The following MOBP variants were observed in gnomAD, a reference collection of about 807,000 sequenced individuals.
The protein encoded by MOBP is myelin-associated oligodendrocyte basic protein.
A neutral mutation model predicts 15.0 loss-of-function variants in MOBP; 5 were observed. The observed-to-expected ratio is 0.33, with a 90% CI of 0.17 to 0.70. The LOEUF (loss-of-function observed/expected upper bound fraction) is 0.70. Ranked by LOEUF, MOBP falls within the 30% of genes least tolerant of loss-of-function variation. The probability of loss-of-function intolerance (pLI) is 0.67; values close to 1 mark genes in which losing one functional copy is unlikely to be tolerated. For synonymous variants in MOBP, 88 were observed against 99.0 expected (o/e 0.89, Z 0.66); for missense variants, 188 against 257.8 (o/e 0.73, Z 1.85).
intron 2 of MOBP, among the ~76,000 whole-genome samples, chr3:39,488,656 C>G (rs2042750377): frequency 6.6e-6 from 1 of 152,188 alleles, no homozygotes; most frequent in South Asian, 2.1e-4. Context: ...GAACTGTACT[C>G]TTACCTTTTT....
At chr3:39,501,869 T>C (rs1232928814) in intron 2 of MOBP, among the ~76,000 whole-genome samples, 197 bp from the exon 3 acceptor site, 1 of 152,140 alleles carries the variant, frequency 6.6e-6, no homozygotes, top group African/African-American at 2.4e-5. Context: ...AATACACAAA[T>C]GAAAATTAAT....
At chr3:39,525,460 T>C (rs1018259587), downstream of MOBP, 5 of 152,104 alleles carry the variant, frequency 3.3e-5, no homozygotes, top group African/African-American at 7.2e-5. Context: ...GGATGTAAAA[T>C]GGACAGTACT....
chr3:39,492,807 AG>A (rs1358407086), intron 2 of MOBP, among the ~76,000 whole-genome samples: 1 of 152,206 alleles, frequency 6.6e-6, no homozygotes, highest in Non-Finnish European at 1.5e-5. Flanking sequence ...TCAAGGTCAA[AG>A]CTTGTCTCCT....
downstream of MOBP, among the ~76,000 whole-genome samples, chr3:39,518,241 G>A (rs187311460): frequency 7.7e-4 from 117 of 152,278 alleles, no homozygotes; most frequent in African/African-American, 2.7e-3. Context: ...CAAGGATTTT[G>A]TAGAGGGAAA....
intron 1 of MOBP, among the ~76,000 whole-genome samples, chr3:39,469,337 AAATTTATT>A: frequency 6.7e-6 from 1 of 149,758 alleles, no homozygotes; most frequent in Admixed American, 6.7e-5. Context: ...ATTTTAATTA[AAATTTATT>A]TTAATTGGAA....
chr3:39,515,156 C>G (rs544908183), exon 5 of MOBP: 2 of 152,450 alleles, frequency 1.3e-5, no homozygotes, highest in South Asian at 2.1e-4. Flanking sequence ...TGACACACCC[C>G]CTTCAGGGGC....
intron 1 of MOBP, among the ~76,000 whole-genome samples, chr3:39,478,582 C>T (rs2042575863): frequency 6.6e-6 from 1 of 152,162 alleles, no homozygotes; most frequent in Non-Finnish European, 1.5e-5. Context: ...CTGTTTCTTT[C>T]TGTCTCTCCT....
rs1370037089 is a variant in MOBP, at chr3:39,502,510, C to T, written c.207-25C>T. ...AGCAGAGGAGAGCCCTGGCTCCCGC[C>T]TCCAGCTTCTTTTGGCCCTCTCAGA... is the stretch of plus-strand genomic sequence containing the variant. On this transcript the variant is annotated intron_variant, in intron 3 of 3. Transcript: ENST00000684792. The surrounding 1 kb of genome is among the most constrained non-coding windows in gnomAD (Gnocchi z 6.3). 1.9e-6 allele frequency: 3 copies of T among 1,563,904 alleles called. No homozygotes were observed. In the Admixed American group the frequency reaches 5.5e-5, roughly 29 times the overall value.
chr3:39,505,316 C>A (rs1053896107), downstream of MOBP, among the ~76,000 whole-genome samples: 2 of 152,132 alleles, frequency 1.3e-5, no homozygotes, highest in Non-Finnish European at 2.9e-5. Flanking sequence ...TCATTTTTTT[C>A]TGCACAGCAT....
chr3:39,528,309 A>T (rs2043355019), downstream of MOBP: 1 of 152,222 alleles, frequency 6.6e-6, no homozygotes, highest in African/African-American at 2.4e-5. Context: ...TTGTAGACCT[A>T]GTGCCTGTGG....
At chr3:39,492,164 A>C (rs890509816) in intron 2 of MOBP, among the ~76,000 whole-genome samples, 3 of 152,172 alleles carry the variant, frequency 2.0e-5, no homozygotes, top group African/African-American at 7.2e-5. Flanking sequence ...CCAGAATAGG[A>C]GGCTACTGAG....
Position 39,468,706 on chromosome 3 carries a change from A to G in MOBP, c.-89+966A>G, listed in dbSNP as rs181267951. ...TATGTGTGTGTATATACATATATACATATGTGTGTGTATATACATATATAC... is the reference window on the plus strand; with the variant it reads ...TATGTGTGTGTATATACATATATACGTATGTGTGTGTATATACATATATAC... On this transcript the variant is annotated intron_variant, in intron 1 of 3. Coordinates refer to ENST00000684792, the MANE Select transcript of MOBP (RefSeq NM_001393704.1). Among the ~76,000 whole-genome samples the G allele has an allele frequency of 6.1e-3, 860 of 140,926 alleles. 24 individuals are homozygous for G. Among genetic ancestry groups the G allele is most frequent in the Admixed American group, 0.011 (159 of 14,568 alleles). 92.5% of individuals were successfully genotyped at this position (140,926 alleles called of 152,430 possible).
rs556274591 is a variant in MOBP, at chr3:39,483,154, T to C, written c.-5+3031T>C. ...TCCTGAGATCATTGTTCATTGTCTT[T>C]GTTCATTGTCATATTGTCAGGGGCT... On this transcript the variant is annotated intron_variant, in intron 2 of 3. Coordinates refer to ENST00000684792, the MANE Select transcript of MOBP (RefSeq NM_001393704.1). Among the ~76,000 whole-genome samples, 7 of 152,360 alleles carry C rather than the reference T, an allele frequency of 4.6e-5. No individual in the cohort carries two copies. The South Asian group carries it at 1.5e-3, about 32-fold the overall frequency.
chr3:39,468,049 T>C lies in MOBP; in HGVS notation c.-89+309T>C, dbSNP rs553064415. ...AAAGCCCCATGTTCCTGGAGCTAGATGGATGGTAGTACATGCTGCTGCTGC... is the reference window on the plus strand; with the variant it reads ...AAAGCCCCATGTTCCTGGAGCTAGACGGATGGTAGTACATGCTGCTGCTGC... On this transcript the variant is annotated intron_variant, in intron 1 of 3. Coordinates refer to ENST00000684792, the MANE Select transcript of MOBP (RefSeq NM_001393704.1). 3.1e-4 allele frequency among the ~76,000 whole-genome samples: 47 copies of C among 152,172 alleles called. No homozygotes were observed. In the South Asian group the frequency reaches 6.2e-3, roughly 20 times the overall value.
At chr3:39,468,372 G>A (rs2042373675) in intron 1 of MOBP, among the ~76,000 whole-genome samples, 1 of 152,190 alleles carries the variant, frequency 6.6e-6, no homozygotes, top group Non-Finnish European at 1.5e-5. Flanking sequence ...AGGGAGGCGA[G>A]TAATGAACTT....
At position 39,502,885 on chromosome 3, in the gene MOBP, A is replaced by G. The variant is rs553643022; in HGVS notation, c.*5A>G. On this transcript the variant is annotated 3_prime_UTR_variant, in exon 4 of 4. Coordinates refer to ENST00000684792, the MANE Select transcript of MOBP (RefSeq NM_001393704.1). The surrounding 1 kb of genome is among the most constrained non-coding windows in gnomAD (Gnocchi z 6.3). ...AAAGCTTCTAGGTTCTGGTAACACCATCTCTTCCCTTTTGTTCCCCAGCCC... is the reference window on the plus strand; with the variant it reads ...AAAGCTTCTAGGTTCTGGTAACACCGTCTCTTCCCTTTTGTTCCCCAGCCC... 11 of 1,186,258 alleles carry G rather than the reference A, an allele frequency of 9.3e-6. 1 individual carries two copies. In the South Asian group the frequency reaches 1.1e-4, roughly 11 times the overall value. 73.5% of individuals were successfully genotyped at this position (1,186,258 alleles called of 1,614,324 possible).
chr3:39,521,903 T>G (rs1274209477), intron 3 of MOBP, among the ~76,000 whole-genome samples: 1 of 152,200 alleles, frequency 6.6e-6, no homozygotes, highest in South Asian at 2.1e-4. Context: ...ACAGGTACAT[T>G]GCGCATAACC....
At chr3:39,527,263 A>G (rs1384666103), downstream of MOBP, 1 of 152,220 alleles carries the variant, frequency 6.6e-6, no homozygotes, top group Non-Finnish European at 1.5e-5. Flanking sequence ...TACTACTAAA[A>G]TTTGTGCTCC....
At chr3:39,476,169 TATC>T (rs35792151) in intron 1 of MOBP, among the ~76,000 whole-genome samples, 41,383 of 151,794 alleles carry the variant, frequency 0.27, 7,139 homozygotes, top group African/African-American at 0.49. Context: ...AGCAACCAGA[TATC>T]ATGAGAACTC....
Sources: allele counts gnomAD v4.1 joint callset (sites outside exome capture counted in the v4.1 genomes callset), GRCh38; gene constraint gnomAD v4.1.1; non-coding constraint Gnocchi (gnomAD v3.1); transcripts MANE v1.5; gene names NCBI Gene and HGNC (gene_info 2026-07-23, HGNC 2026-07-21).